TNNI3K: variants seen among roughly 807,000 people sequenced by gnomAD.
TNNI3K encodes serine/threonine-protein kinase TNNI3K.
In TNNI3K, 140 loss-of-function variants were observed where a neutral mutation model predicts 114.5. The ratio of observed to expected loss-of-function variants is 1.22; its 90% CI spans 1.07 to 1.41. The LOEUF (loss-of-function observed/expected upper bound fraction) is 1.41, where lower values mean the gene tolerates loss of function less well. Among genes scored for constraint, TNNI3K ranks in the 40% most tolerant of loss-of-function variants. The probability of loss-of-function intolerance (pLI) is 0.00; values close to 1 mark genes in which losing one functional copy is unlikely to be tolerated. For synonymous variants in TNNI3K, 347 were observed against 347.5 expected, an observed-to-expected ratio of 1.00 and a Z score of 0.02; for missense variants, 1,125 against 1,007.6, an observed-to-expected ratio of 1.12 and a Z score of -1.58.
chr1:74,381,854 A>G (rs1384900323), intron 17 of TNNI3K, among the ~76,000 whole-genome samples: 1 of 152,242 alleles, frequency 6.6e-6, no homozygotes, highest in African/African-American at 2.4e-5. Flanking sequence ...TTTAAACACC[A>G]TCCACTTAGA....
At chr1:74,420,777 T>C (rs1665356436) in intron 17 of TNNI3K, among the ~76,000 whole-genome samples, 1 of 152,126 alleles carries the variant, frequency 6.6e-6, no homozygotes, top group Non-Finnish European at 1.5e-5. Flanking sequence ...CTCTTTAAAG[T>C]TGGGAATGTG....
intron 2 of TNNI3K, among the ~76,000 whole-genome samples, chr1:74,237,178 T>C (rs534027735): frequency 2.0e-5 from 3 of 152,104 alleles, no homozygotes; most frequent in South Asian, 4.1e-4. Context: ...GTTCAACTTA[T>C]GGTTCAAAAA....
In TNNI3K at chr1:74,353,994, T is replaced by G; in HGVS notation, c.1042T>G (p.Cys348Gly). 2 of 1,613,926 alleles carry G rather than the reference T, an allele frequency of 1.2e-6. No individual in the cohort carries two copies. The highest frequency in any genetic ancestry group is 1.7e-6 in the Non-Finnish European group (2 of 1,179,934). ...TTCTATTACAGGATTACACTCTGCT[T>G]GCTACCACGGTCACATTCGCCTGGT... ...RDGHTGLHSA[C>G]YHGHIRLVQF... Residue 348 changes from cysteine to glycine, a missense_variant, in exon 11 of 25, where the codon TGC (cysteine) becomes GGC (glycine). Physicochemically the swap from Cys to Gly is radical, Grantham distance 159. Transcript: ENST00000326637.
rs777466193 is a variant in TNNI3K at position 74,354,003 on chromosome 1, G to A, written c.1051G>A (p.Gly351Ser). The stretch of plus-strand genomic sequence containing the variant: ...AGGATTACACTCTGCTTGCTACCAC[G>A]GTCACATTCGCCTGGTTCAGTTCTT... ...HTGLHSACYH[G>S]HIRLVQFLLD... Residue 351 changes from glycine to serine, a missense_variant, in exon 11 of 25, where the codon GGT (glycine) becomes AGT (serine). Gly to Ser is a moderately conservative substitution (Grantham distance 56). Coordinates refer to ENST00000326637, the MANE Select transcript of TNNI3K (RefSeq NM_015978.3). The A allele has an allele frequency of 1.6e-5, 26 of 1,613,182 alleles. No individual in the cohort carries two copies. The highest frequency in any genetic ancestry group is 7.7e-5 in the South Asian group (7 of 91,002).
chr1:74,329,073 T>A (rs1225347329), intron 5 of TNNI3K, among the ~76,000 whole-genome samples: 1 of 152,020 alleles, frequency 6.6e-6, no homozygotes, highest in African/African-American at 2.4e-5. Context: ...CTATCTGGGA[T>A]TGAATTAGTT....
chr1:74,375,785 A>G (rs1191903196), intron 17 of TNNI3K: 5 of 352,472 alleles, frequency 1.4e-5, no homozygotes, highest in Non-Finnish European at 2.9e-5. Flanking sequence ...TGATTTGAGT[A>G]ATAATAACAC....
At chr1:74,249,571 T>C (rs1654800940) in intron 3 of TNNI3K, 27 bp downstream of exon 3, 2 of 1,608,042 alleles carry the variant, frequency 1.2e-6, no homozygotes, top group Admixed American at 3.3e-5. Context: ...TAGTACTTCT[T>C]AAACTGGTTA....
At chr1:74,406,198 C>G (rs1664605312) in intron 17 of TNNI3K, among the ~76,000 whole-genome samples, 1 of 152,180 alleles carries the variant, frequency 6.6e-6, no homozygotes, top group South Asian at 2.1e-4. Context: ...GAAGGCTTTC[C>G]TTATCCTCTA....
intron 20 of TNNI3K, among the ~76,000 whole-genome samples, chr1:74,447,097 T>C (rs1269292819): frequency 1.3e-5 from 2 of 151,334 alleles, no homozygotes; most frequent in Non-Finnish European, 2.9e-5. Context: ...GGTAGCTTGA[T>C]GGGAATGGCA....
intron 4 of TNNI3K, among the ~76,000 whole-genome samples, chr1:74,250,991 A>T (rs1422724222): frequency 6.6e-6 from 1 of 152,102 alleles, no homozygotes; most frequent in African/African-American, 2.4e-5. Flanking sequence ...TTTAATTCTC[A>T]CAAGAACCCC....
At chr1:74,486,471 A>C (rs925920039) in intron 21 of TNNI3K, among the ~76,000 whole-genome samples, 5 of 149,930 alleles carry the variant, frequency 3.3e-5, no homozygotes, top group Non-Finnish European at 7.4e-5. Context: ...GTAGTCAAAC[A>C]TCATCACTTT....
chr1:74,290,664 A>G (rs926476410), intron 5 of TNNI3K, among the ~76,000 whole-genome samples: 2 of 151,862 alleles, frequency 1.3e-5, no homozygotes, highest in Admixed American at 6.6e-5. Context: ...TGAAACATGT[A>G]TAATGTTATT....
intron 17 of TNNI3K, among the ~76,000 whole-genome samples, chr1:74,432,480 T>C (rs1451921135): frequency 2.0e-5 from 3 of 152,110 alleles, no homozygotes; most frequent in Non-Finnish European, 2.9e-5. Flanking sequence ...GTCTCCCTGG[T>C]GTTGACACTC....
At position 74,353,393 on chromosome 1, in the gene TNNI3K, T is replaced by G. The variant is rs6424586; in HGVS notation, c.1027+33T>G. On this transcript the variant is annotated intron_variant, in intron 10 of 24. Coordinates refer to ENST00000326637, the MANE Select transcript of TNNI3K (RefSeq NM_015978.3). ...TGTGGTGAAAACACCACTAGTTCTA[T>G]ATGCTTATCAATGATTAAGAATAAT... The G allele has an allele frequency of 0.94, 1,518,356 of 1,610,316 alleles. 716,212 individuals are homozygous for G. The highest frequency in any genetic ancestry group is 1 in the East Asian group (44,647 of 44,758).
chr1:74,367,859 GA>G (rs1337719581), intron 12 of TNNI3K, 48 bp from the exon 13 acceptor site: 5 of 1,515,484 alleles, frequency 3.3e-6, no homozygotes, highest in Admixed American at 2.2e-5. Flanking sequence ...CTTTTATGTA[GA>G]AAAAAATGAT....
At chr1:74,506,806 CT>C (rs1669927893) in intron 23 of TNNI3K, among the ~76,000 whole-genome samples, 1 of 152,108 alleles carries the variant, frequency 6.6e-6, no homozygotes, top group East Asian at 1.9e-4. Flanking sequence ...TTTTTTCCTT[CT>C]CCAAGGTTGT....
intron 17 of TNNI3K, among the ~76,000 whole-genome samples, chr1:74,399,587 G>C (rs967391466): frequency 6.6e-6 from 1 of 152,004 alleles, no homozygotes; most frequent in Non-Finnish European, 1.5e-5. Flanking sequence ...GGGGGCGGGC[G>C]GTGGACACAT....
chr1:74,418,244 C>A, intron 17 of TNNI3K: 1 of 441,054 alleles, frequency 2.3e-6, no homozygotes, highest in Admixed American at 2.5e-5. Flanking sequence ...TCAGAAAGAG[C>A]AGAGCAGCAA....
chr1:74,505,000 A>G (rs540611781), intron 23 of TNNI3K, among the ~76,000 whole-genome samples: 31 of 152,288 alleles, frequency 2.0e-4, no homozygotes, highest in South Asian at 4.1e-4. Context: ...AATTAGATGA[A>G]ATGACATATT....
Sources: gnomAD v4.1 joint callset for allele counts (sites outside exome capture counted in the v4.1 genomes callset) on GRCh38, gnomAD v4.1.1 for gene constraint, MANE v1.5 for transcripts, NCBI Gene and HGNC (gene_info 2026-07-23, HGNC 2026-07-21) for gene names.